Variants in COL2A1 observed in about 807,000 individuals in gnomAD.
COL2A1 encodes collagen type II alpha 1 chain.
COL2A1 carries 28 observed loss-of-function variants against 204.5 expected under a neutral mutation model. The ratio of observed to expected loss-of-function variants is 0.14; its 90% CI spans 0.10 to 0.19. The LOEUF is 0.19. COL2A1 is among the 10% of genes least tolerant of loss of function. COL2A1 has a pLI of 1.00. For missense variants in COL2A1, 1,388 were observed against 2,027.5 expected (o/e 0.68, Z 6.06); for synonymous variants, 708 against 718.7 (o/e 0.99, Z 0.24).
At chr12:47,983,922 C>A in intron 29 of COL2A1, 165 bp downstream of exon 29, 1 of 911,486 alleles carries the variant, frequency 1.1e-6, no homozygotes, top group Non-Finnish European at 1.8e-6. Context: ...CAATGTGGGT[C>A]CACACAGCCT....
At chr12:47,983,864 C>A in intron 29 of COL2A1, 128 bp from the exon 30 acceptor site, 1 of 1,037,156 alleles carries the variant, frequency 9.6e-7, no homozygotes, top group Admixed American at 2.0e-5. Context: ...TCAGACAGTG[C>A]ATGCATGCCT....
intron 1 of COL2A1, 65 bp from the exon 2 acceptor site, chr12:48,000,190 G>T: frequency 8.8e-7 from 1 of 1,142,560 alleles, no homozygotes. Context: ...GAGCCAGAGA[G>T]AAAAAGAGAG....
Position 47,975,480 on chromosome 12 carries a change from G to A in COL2A1, c.3723C>T (p.Ala1241=), listed in dbSNP as rs200993187. The change falls in exon 51 of 54, where the codon GCC becomes GCT. Residue 1241 remains alanine, a synonymous_variant. Transcript: ENST00000380518. ...KGPDPLQYMR[A]DQAAGGLRQH... is the part of the protein sequence containing the mutation. Reference sequence around the variant, plus strand: ...GTCTCAGGCCACCGGCTGCCTGGTCGGCCCGCATGTACTGCAGGGGGTCGG... The same window carrying A: ...GTCTCAGGCCACCGGCTGCCTGGTCAGCCCGCATGTACTGCAGGGGGTCGG... 1.5e-4 allele frequency: 248 copies of A among 1,613,738 alleles called. 1 individual carries two copies. The Middle Eastern group carries it at 2.0e-3, about 13-fold the overall frequency.
chr12:47,975,802 T>A (rs886825658), intron 50 of COL2A1, among the ~76,000 whole-genome samples, 161 bp downstream of exon 50: 3 of 152,244 alleles, frequency 2.0e-5, no homozygotes, highest in African/African-American at 7.2e-5. Context: ...TTCCCAGCAC[T>A]GATCATGGGC....
intron 2 of COL2A1, 194 bp downstream of exon 2, chr12:47,999,725 C>T: frequency 1.8e-6 from 1 of 563,288 alleles, no homozygotes; most frequent in Non-Finnish European, 3.1e-6. Context: ...AGAAGGACCC[C>T]TCTAGTGTCT....
At position 47,976,172 on chromosome 12, in the gene COL2A1, C is replaced by T. The variant is rs1565668302; in HGVS notation, c.3490-102G>A. On this transcript the variant is annotated intron_variant, in intron 49 of 53. Coordinates refer to ENST00000380518, the MANE Select transcript of COL2A1 (RefSeq NM_001844.5). The surrounding 1 kb of genome is among the most constrained non-coding windows in gnomAD (Gnocchi z 4.3). ...GCTGTCCTGATAGCACCAGCCACTC[C>T]GCCCCCAGTTCTTCACATGCTCAGT... The T allele has an allele frequency of 1.9e-5, 16 of 840,432 alleles. No individual in the cohort carries two copies. The highest frequency in any genetic ancestry group is 8.3e-5 in the African/African-American group (5 of 60,248). The allele number at this position is 840,432 out of a possible 1,614,324, so 52.1% of individuals were successfully genotyped here.
chr12:47,995,714 A>ACACCAGGTT lies in COL2A1; in HGVS notation c.695_703dup (p.Glu232_Gly234dup). On this transcript the variant is annotated inframe_insertion, in exon 10 of 54. Transcript: ENST00000380518. Reference sequence around the variant, plus strand: ...CAGGGCCGTGCTGGTACTCACAGAGACACCAGGTTCACCAGGTTCACCAGG... The same window carrying ACACCAGGTT: ...CAGGGCCGTGCTGGTACTCACAGAGACACCAGGTTCACCAGGTTCACCAGGTTCACCAGG... 6.2e-7 allele frequency: 1 copy of ACACCAGGTT among 1,613,890 alleles called. No individual in the cohort carries two copies. The highest frequency in any genetic ancestry group is 8.5e-7 in the Non-Finnish European group (1 of 1,179,896).
At chr12:48,000,406 T>C (rs1346711637) in intron 1 of COL2A1, among the ~76,000 whole-genome samples, 1 of 152,188 alleles carries the variant, frequency 6.6e-6, no homozygotes, top group Non-Finnish European at 1.5e-5. Flanking sequence ...TACTATACTA[T>C]ATTCTCTTTA....
intron 14 of COL2A1, 35 bp downstream of exon 14, chr12:47,993,771 CCCT>C: frequency 6.2e-7 from 1 of 1,609,344 alleles, no homozygotes; most frequent in Middle Eastern, 1.7e-4. Flanking sequence ...CTCATTGTCT[CCCT>C]CCTCCCCATC....
intron 44 of COL2A1, 24 bp from the exon 45 acceptor site, chr12:47,977,677 C>G (rs749711774): frequency 1.2e-6 from 2 of 1,613,328 alleles, no homozygotes; most frequent in Non-Finnish European, 1.7e-6. Context: ...AACAAGAATG[C>G]ACTTAGAGCT....
At chr12:47,989,328 C>T in intron 17 of COL2A1, 47 bp from the exon 18 acceptor site, 1 of 1,547,274 alleles carries the variant, frequency 6.5e-7, no homozygotes, top group Non-Finnish European at 8.9e-7. Context: ...CCAGTTCTGG[C>T]CTCCAAAGCG....
Position 47,982,824 on chromosome 12 carries a change from C to A in COL2A1, c.2193+24G>T, listed in dbSNP as rs999889238. The A allele has an allele frequency of 3.1e-6, 5 of 1,596,004 alleles. No individual in the cohort carries two copies. In the African/African-American group the frequency reaches 6.7e-5, roughly 21 times the overall value. The stretch of plus-strand genomic sequence containing the variant: ...GGACTCCCAGGCTACCACGAAGACC[C>A]CTACAGGATGCAGCCTCACTTACTT... On this transcript the variant is annotated intron_variant, in intron 33 of 53. Transcript: ENST00000380518.
At chr12:47,975,910 C>G (rs1235196826) in intron 50 of COL2A1, 53 bp downstream of exon 50, 1 of 1,390,050 alleles carries the variant, frequency 7.2e-7, no homozygotes, top group Admixed American at 1.7e-5. Context: ...AGAGCTCAAG[C>G]CTCCCGGATG....
intron 44 of COL2A1, 99 bp downstream of exon 44, chr12:47,977,911 C>T: frequency 1.7e-6 from 2 of 1,203,526 alleles, no homozygotes; most frequent in South Asian, 2.6e-5. Flanking sequence ...ACCCCCTTCT[C>T]CAGGGCCCTG....
chr12:47,992,728 GA>G, intron 16 of COL2A1, 149 bp downstream of exon 16: 2 of 797,622 alleles, frequency 2.5e-6, no homozygotes, highest in Non-Finnish European at 4.4e-6. Flanking sequence ...CTCAGCCTGG[GA>G]AGTTTTGATG....
intron 40 of COL2A1, 132 bp downstream of exon 40, chr12:47,979,877 T>G (rs1938944660): frequency 1.2e-6 from 1 of 818,936 alleles, no homozygotes; most frequent in Non-Finnish European, 1.9e-6. Flanking sequence ...TGGCTGTGGG[T>G]GGGCTTAGGC....
chr12:47,985,223 AC>A, intron 26 of COL2A1, 130 bp from the exon 27 acceptor site: 1 of 770,160 alleles, frequency 1.3e-6, no homozygotes, highest in Non-Finnish European at 2.3e-6. Flanking sequence ...TCTAGGATTG[AC>A]CACATCACAC....
rs1939823669 is a variant in COL2A1, at chr12:47,993,875, A to G, written c.871-13T>C. ...GGCCTGGATAACCCTAGGGAACAAG[A>G]GAAAATGTTCAATCAGACTTCTGGG... On this transcript the variant is annotated splice_polypyrimidine_tract_variant and intron_variant, in intron 13 of 53. Transcript: ENST00000380518. The G allele has an allele frequency of 3.7e-6, 6 of 1,614,078 alleles. No individual in the cohort carries two copies. The highest frequency in any genetic ancestry group is 2.2e-5 in the East Asian group (1 of 44,898).
At chr12:47,984,463 A>G in intron 28 of COL2A1, 83 bp downstream of exon 28, 1 of 1,425,890 alleles carries the variant, frequency 7.0e-7, no homozygotes, top group Non-Finnish European at 9.8e-7. Context: ...TCCCGGGACC[A>G]TGCCATGGGG....
Sources: allele counts gnomAD v4.1 joint callset (sites outside exome capture counted in the v4.1 genomes callset), GRCh38; gene constraint gnomAD v4.1.1; non-coding constraint Gnocchi (gnomAD v3.1); transcripts MANE v1.5; gene names NCBI Gene and HGNC (gene_info 2026-07-23, HGNC 2026-07-21).